SCUBE1: variants seen among roughly 807,000 people sequenced by gnomAD.
SCUBE1 encodes the protein signal peptide, CUB domain and EGF like domain containing 1, also known as signal peptide, CUB and EGF-like domain-containing protein 1.
A neutral mutation model predicts 124.4 loss-of-function variants in SCUBE1; 59 were observed. The observed-to-expected ratio is 0.47, with a 90% CI of 0.38 to 0.59. The LOEUF (loss-of-function observed/expected upper bound fraction) is 0.59. SCUBE1 is among the 20% of genes least tolerant of loss of function. The pLI is 0.00. For missense variants in SCUBE1, 1,150 were observed against 1,371.2 expected, an observed-to-expected ratio of 0.84 and a Z score of 2.55; for synonymous variants, 545 against 550.9, an observed-to-expected ratio of 0.99 and a Z score of 0.15.
intron 12 of SCUBE1, among the ~76,000 whole-genome samples, chr22:43,222,297 C>G (rs1283466441): frequency 2.0e-5 from 3 of 152,190 alleles, no homozygotes; most frequent in Non-Finnish European, 4.4e-5. Flanking sequence ...AGCTCTGACT[C>G]GGGAGAACCT....
At chr22:43,339,330 G>C in intron 1 of SCUBE1, 95 bp from the exon 2 acceptor site, 1 of 1,266,656 alleles carries the variant, frequency 7.9e-7, no homozygotes. Context: ...GCCTTTGCCC[G>C]TCCATTGATC....
chr22:43,263,936 C>A, intron 4 of SCUBE1, among the ~76,000 whole-genome samples: 1 of 152,332 alleles, frequency 6.6e-6, no homozygotes, highest in South Asian at 2.1e-4. Flanking sequence ...ACGGAAAGAC[C>A]CTTTCCGCTG....
At position 43,258,219 on chromosome 22, in the gene SCUBE1, C is replaced by T. The variant is rs199908092; in HGVS notation, c.727G>A (p.Glu243Lys). 500 of 1,608,988 alleles carry T rather than the reference C, an allele frequency of 3.1e-4. No individual in the cohort carries two copies. Among genetic ancestry groups the T allele is most frequent in the Non-Finnish European group, 4.0e-4 (468 of 1,175,916 alleles). ...GTGTGTGGCAGAGGTGCCTACTTAC[C>T]GATGCACGTGCGACCGTCTGAGTGG... ...ALHSDGRTCIETCAVNNGGCD... is the reference protein window; with the variant it reads ...ALHSDGRTCIKTCAVNNGGCD... Residue 243 changes from glutamate (E) to lysine (K), a missense_variant and splice_region_variant, in exon 6 of 22, where the codon GAG (glutamate) becomes AAG (lysine). By Grantham distance (56) the Glu-to-Lys change is moderately conservative. Around this residue, in one of 3 missense-constraint regions of SCUBE1, gnomAD observed 337 missense variants for 482.1 expected, o/e 0.70. Transcript: ENST00000360835. This position sits in a 1 kb window ranked among gnomAD's most constrained non-coding sequence, Gnocchi z 5.0.
chr22:43,330,991 C>A (rs1926885622), intron 2 of SCUBE1, among the ~76,000 whole-genome samples: 1 of 152,072 alleles, frequency 6.6e-6, no homozygotes, highest in African/African-American at 2.4e-5. Flanking sequence ...CCTGGCCTCC[C>A]AAAAAGCAGG....
intron 3 of SCUBE1, among the ~76,000 whole-genome samples, chr22:43,311,032 G>A (rs1489770549): frequency 6.6e-6 from 1 of 152,148 alleles, no homozygotes; most frequent in Non-Finnish European, 1.5e-5. Flanking sequence ...TCCTACCTTG[G>A]CCTCCCAAAG....
Position 43,198,928 on chromosome 22 carries a change from C to T in SCUBE1, c.*5069G>A. The T allele has an allele frequency of 5.4e-6, 2 of 370,106 alleles. No individual in the cohort carries two copies. Among genetic ancestry groups the T allele is most frequent in the Non-Finnish European group, 1.1e-5 (2 of 189,224 alleles). The allele number at this position is 370,106 out of a possible 1,614,324, so 22.9% of individuals were successfully genotyped here. ...CAGTTTGTCTGTCTGCTGTCTGGGG[C>T]AGTTTGTCTGTCTGTCTGCTGTCCG... On this transcript the variant is annotated 3_prime_UTR_variant, in exon 22 of 22. Coordinates refer to ENST00000360835, the MANE Select transcript of SCUBE1 (RefSeq NM_173050.5).
At chr22:43,219,389 C>G (rs1047485863) in intron 14 of SCUBE1, among the ~76,000 whole-genome samples, 4 of 152,218 alleles carry the variant, frequency 2.6e-5, no homozygotes, top group Non-Finnish European at 5.9e-5. Context: ...CTCGGACAGC[C>G]TGCAGAGCCG....
intron 2 of SCUBE1, among the ~76,000 whole-genome samples, chr22:43,333,732 C>T (rs1429062369): frequency 7.9e-5 from 12 of 152,236 alleles, no homozygotes; most frequent in Non-Finnish European, 2.9e-5. Context: ...GAGAGACCTT[C>T]GGAACTGCCG....
chr22:43,209,938 C>A, intron 19 of SCUBE1, 105 bp downstream of exon 19: 1 of 1,261,082 alleles, frequency 7.9e-7, no homozygotes, highest in Non-Finnish European at 1.1e-6. Context: ...CCAGGGCCCT[C>A]CTCTCTGCCC....
At chr22:43,308,358 C>T (rs7288262) in intron 3 of SCUBE1, among the ~76,000 whole-genome samples, 15,864 of 152,068 alleles carry the variant, frequency 0.1, 946 homozygotes, top group Admixed American at 0.15. Context: ...GTGGGCATAA[C>T]GAAAGAGACC....
Position 43,343,303 on chromosome 22 carries a change from CG to C in SCUBE1, c.-43del. 1 of 988,022 alleles carries C rather than the reference CG, an allele frequency of 1.0e-6. No individual in the cohort carries two copies. The allele number at this position is 988,022 out of a possible 1,614,324, so 61.2% of individuals were successfully genotyped here. On this transcript the variant is annotated 5_prime_UTR_variant, in exon 1 of 22. Coordinates refer to ENST00000360835, the MANE Select transcript of SCUBE1 (RefSeq NM_173050.5). Reference sequence around the variant, plus strand: ...GCTGGGCGTGCGGGCGTGCGGGGCGCGGGGACCCGACCGACCGGCCGCTCCC... The same window carrying C: ...GCTGGGCGTGCGGGCGTGCGGGGCGCGGGACCCGACCGACCGGCCGCTCCC...
intron 4 of SCUBE1, among the ~76,000 whole-genome samples, chr22:43,263,299 C>T (rs939841062): frequency 6.6e-6 from 1 of 152,192 alleles, no homozygotes; most frequent in Non-Finnish European, 1.5e-5. Context: ...TACCCCCTTC[C>T]GTTGACCTCA....
In SCUBE1 at chr22:43,258,129, A is replaced by C; in HGVS notation, c.727+90T>G. On this transcript the variant is annotated intron_variant, in intron 6 of 21. Coordinates refer to ENST00000360835, the MANE Select transcript of SCUBE1 (RefSeq NM_173050.5). The surrounding 1 kb of genome is among the most constrained non-coding windows in gnomAD (Gnocchi z 5.0). ...TGAAGCTTCCTTCCGGGGAACCCGG[A>C]CGTGGCAGGGTGCTGGCCCTGCTGG... The C allele has an allele frequency of 1.1e-6, 1 of 871,206 alleles. No homozygotes were observed. Among genetic ancestry groups the C allele is most frequent in the Non-Finnish European group, 1.9e-6 (1 of 530,960 alleles). 54.0% of individuals were successfully genotyped at this position (871,206 alleles called of 1,614,324 possible).
At chr22:43,243,967 C>T (rs772912572) in intron 6 of SCUBE1, among the ~76,000 whole-genome samples, 63 of 152,288 alleles carry the variant, frequency 4.1e-4, no homozygotes, top group Non-Finnish European at 7.6e-4. Flanking sequence ...TGCTAGGATG[C>T]GCCTTGGACA....
Position 43,223,084 on chromosome 22 carries a change from C to A in SCUBE1, c.1327+13G>T, listed in dbSNP as rs772249866. ...CTGCCACAGCATCCCATCTCAGGGA[C>A]GGCCCGGGTTACCTGGCACGAAGAG... On this transcript the variant is annotated intron_variant, in intron 11 of 21. Coordinates refer to ENST00000360835, the MANE Select transcript of SCUBE1 (RefSeq NM_173050.5). 1.3e-6 allele frequency: 2 copies of A among 1,519,930 alleles called. No homozygotes were observed. The highest frequency in any genetic ancestry group is 2.8e-5 in the African/African-American group (2 of 70,686). The allele number at this position is 1,519,930 out of a possible 1,614,324, so 94.2% of individuals were successfully genotyped here.
intron 3 of SCUBE1, among the ~76,000 whole-genome samples, chr22:43,301,302 C>T (rs1393880558): frequency 1.3e-5 from 2 of 152,118 alleles, no homozygotes; most frequent in Non-Finnish European, 2.9e-5. Flanking sequence ...CTCATGCCAT[C>T]CCCCTGCCTG....
chr22:43,275,633 G>T (rs1466066396), intron 4 of SCUBE1, among the ~76,000 whole-genome samples: 6 of 152,270 alleles, frequency 3.9e-5, no homozygotes, highest in Non-Finnish European at 7.3e-5. Flanking sequence ...CAGCTTCAGA[G>T]AGGAGGTGAA....
intron 2 of SCUBE1, among the ~76,000 whole-genome samples, chr22:43,328,966 C>G (rs142168808): frequency 6.6e-6 from 1 of 152,228 alleles, no homozygotes; most frequent in Admixed American, 6.5e-5. Context: ...ACATTTGAAC[C>G]TGGGCAGGCT....
chr22:43,328,781 A>G (rs1926810349), intron 2 of SCUBE1, among the ~76,000 whole-genome samples: 1 of 152,118 alleles, frequency 6.6e-6, no homozygotes. Context: ...CTCCATTGTA[A>G]TAAAAATAAC....
Sources: gnomAD v4.1 joint callset for allele counts (sites outside exome capture counted in the v4.1 genomes callset) on GRCh38, gnomAD v4.1.1 for gene constraint, gnomAD v4.1.1 regional missense constraint, Gnocchi (gnomAD v3.1) non-coding constraint, MANE v1.5 for transcripts, NCBI Gene and HGNC (gene_info 2026-07-23, HGNC 2026-07-21) for gene names.